ADAMTS2: variants seen among roughly 807,000 people sequenced by gnomAD.
The protein encoded by ADAMTS2 is ADAM metallopeptidase with thrombospondin type 1 motif 2, also known as A disintegrin and metalloproteinase with thrombospondin motifs 2.
Under a neutral mutation model 123.0 loss-of-function variants are expected in ADAMTS2, and 50 were observed. The observed-to-expected ratio is 0.41, with a 90% CI of 0.32 to 0.51. The LOEUF (loss-of-function observed/expected upper bound fraction) is 0.51, where lower values mean the gene tolerates loss of function less well. ADAMTS2 is among the 20% of genes least tolerant of loss of function. The pLI, the probability that ADAMTS2 is intolerant of heterozygous loss-of-function variation, is 0.35. For synonymous variants in ADAMTS2, 678 were observed against 695.4 expected (o/e 0.98, Z 0.39); for missense variants, 1,494 against 1,705.2 (o/e 0.88, Z 2.18).
chr5:179,341,949 C>A (rs959411717), intron 2 of ADAMTS2, among the ~76,000 whole-genome samples: 1 of 152,168 alleles, frequency 6.6e-6, no homozygotes, highest in Non-Finnish European at 1.5e-5. Context: ...TGCCAACCTG[C>A]GTCTTTTCCA....
intron 3 of ADAMTS2, among the ~76,000 whole-genome samples, chr5:179,268,250 C>T (rs1258943655): frequency 6.6e-6 from 1 of 152,246 alleles, no homozygotes; most frequent in Non-Finnish European, 1.5e-5. Context: ...CTGGACACCA[C>T]GTGTGGCTGC....
chr5:179,312,290 G>A lies in ADAMTS2; in HGVS notation c.534+31477C>T, dbSNP rs561091453. ...AATGTTTATATTCCCCCCAAATTCC[G>A]ATGTTGAAAGCTACTCCCCCAAGGT... On this transcript the variant is annotated intron_variant, in intron 2 of 21. Transcript: ENST00000251582. The surrounding 1 kb of genome is among the most constrained non-coding windows in gnomAD (Gnocchi z 4.2). Among the ~76,000 whole-genome samples the A allele has an allele frequency of 7.9e-5, 12 of 152,270 alleles. No individual in the cohort carries two copies. The highest frequency in any genetic ancestry group is 2.6e-4 in the African/African-American group (11 of 41,548).
rs918810147 is a variant in ADAMTS2, at chr5:179,215,725, G to A, written c.689-8010C>T. 5.3e-5 allele frequency among the ~76,000 whole-genome samples: 8 copies of A among 152,328 alleles called. No homozygotes were observed. In the East Asian group the frequency reaches 1.3e-3, roughly 26 times the overall value. On this transcript the variant is annotated intron_variant, in intron 3 of 21. Transcript: ENST00000251582. ...GTACATCAAGAAAGCTGAATCCCAG[G>A]CTGGCCATGAAGACAGCCACATTCT...
At chr5:179,230,620 T>C (rs1269407776) in intron 3 of ADAMTS2, among the ~76,000 whole-genome samples, 2 of 152,204 alleles carry the variant, frequency 1.3e-5, no homozygotes, top group Admixed American at 6.5e-5. Flanking sequence ...TGCACTGCGG[T>C]GTGTCTGCGT....
At chr5:179,139,866 C>T in intron 11 of ADAMTS2, 24 bp downstream of exon 11, 1 of 1,611,300 alleles carries the variant, frequency 6.2e-7, no homozygotes, top group Non-Finnish European at 8.5e-7. Flanking sequence ...TCAGCAAGGC[C>T]AGGGGGACAT....
intron 3 of ADAMTS2, among the ~76,000 whole-genome samples, chr5:179,253,214 G>A (rs1439528817): frequency 6.6e-6 from 1 of 152,164 alleles, no homozygotes; most frequent in African/African-American, 2.4e-5. Context: ...CTCTGTCTTT[G>A]AATTTGTGAG....
At position 179,249,064 on chromosome 5, in the gene ADAMTS2, T is replaced by C. The variant is rs1765864174; in HGVS notation, c.688+23847A>G. ...TTCTCCAACCACAGTGGAATAAAAC[T>C]AGAAATCAATGACAGAAGAAACCCT... On this transcript the variant is annotated intron_variant, in intron 3 of 21. Coordinates refer to ENST00000251582, the MANE Select transcript of ADAMTS2 (RefSeq NM_014244.5). 2.0e-5 allele frequency among the ~76,000 whole-genome samples: 3 copies of C among 152,162 alleles called. No individual in the cohort carries two copies. The South Asian group carries it at 6.2e-4, about 32-fold the overall frequency.
intron 20 of ADAMTS2, 118 bp from the exon 21 acceptor site, chr5:179,121,868 C>T: frequency 1.6e-6 from 1 of 638,790 alleles, no homozygotes; most frequent in Non-Finnish European, 2.6e-6. Context: ...GCCCTCGCCT[C>T]CCCGGGCGGA....
chr5:179,160,150 CTT>C (rs747042503), intron 5 of ADAMTS2, among the ~76,000 whole-genome samples: 7 of 152,214 alleles, frequency 4.6e-5, no homozygotes, highest in Non-Finnish European at 8.8e-5. Flanking sequence ...ACGTATTTCT[CTT>C]TGTGTCTATA....
At chr5:179,164,615 C>T (rs1432158673) in intron 5 of ADAMTS2, among the ~76,000 whole-genome samples, 1 of 152,088 alleles carries the variant, frequency 6.6e-6, no homozygotes, top group African/African-American at 2.4e-5. Context: ...ATGGTCACGG[C>T]AATGTCTTTC....
chr5:179,260,751 A>G lies in ADAMTS2; in HGVS notation c.688+12160T>C, dbSNP rs1008656269. Among the ~76,000 whole-genome samples, 5 of 152,344 alleles carry G rather than the reference A, an allele frequency of 3.3e-5. No homozygotes were observed. The highest frequency in any genetic ancestry group is 3.3e-4 in the Admixed American group (5 of 15,304). On this transcript the variant is annotated intron_variant, in intron 3 of 21. Coordinates refer to ENST00000251582, the MANE Select transcript of ADAMTS2 (RefSeq NM_014244.5). This position sits in a 1 kb window ranked among gnomAD's most constrained non-coding sequence, Gnocchi z 4.2. ...CCAACCCACCGTGGGGCTCATTACA[A>G]GAATCCTAGGAGATGATGTACCTGC...
At chr5:179,257,036 T>C (rs1766075134) in intron 3 of ADAMTS2, among the ~76,000 whole-genome samples, 1 of 152,118 alleles carries the variant, frequency 6.6e-6, no homozygotes, top group African/African-American at 2.4e-5. Flanking sequence ...CCACAGCCCA[T>C]GGGGAGCACC....
At position 179,113,705 on chromosome 5, in the gene ADAMTS2, A is replaced by G. The variant is rs1762610810; in HGVS notation, c.*162T>C. ...GCACACGTGCTAACCTAGTTACCAC[A>G]TGCTCATGCCTATCTTTCTTACGTC... On this transcript the variant is annotated 3_prime_UTR_variant, in exon 22 of 22. Transcript: ENST00000251582. 7 of 744,504 alleles carry G rather than the reference A, an allele frequency of 9.4e-6. No homozygotes were observed. Among genetic ancestry groups the G allele is most frequent in the Non-Finnish European group, 2.3e-6 (1 of 442,976 alleles). The allele number at this position is 744,504 out of a possible 1,614,324, so 46.1% of individuals were successfully genotyped here.
intron 2 of ADAMTS2, among the ~76,000 whole-genome samples, chr5:179,320,468 T>C (rs1301504413): frequency 1.1e-4 from 15 of 141,800 alleles, no homozygotes; most frequent in Admixed American, 1.0e-3. Context: ...CCACTACGCC[T>C]GGCTAATTTT....
At chr5:179,238,429 G>A (rs748435430) in intron 3 of ADAMTS2, among the ~76,000 whole-genome samples, 12 of 152,300 alleles carry the variant, frequency 7.9e-5, no homozygotes, top group Non-Finnish European at 1.2e-4. Context: ...TGAGTATGCC[G>A]GAGGGCAGTG....
intron 3 of ADAMTS2, among the ~76,000 whole-genome samples, chr5:179,266,130 C>G (rs1766364469): frequency 6.6e-6 from 1 of 152,174 alleles, no homozygotes; most frequent in Non-Finnish European, 1.5e-5. Context: ...TGGCCAGGTC[C>G]AGGGCTCACC....
chr5:179,266,788 G>C (rs998903513), intron 3 of ADAMTS2, among the ~76,000 whole-genome samples: 2 of 148,260 alleles, frequency 1.3e-5, no homozygotes, highest in African/African-American at 5.3e-5. Flanking sequence ...CCCCACCTGG[G>C]CCAAGCCTCA....
chr5:179,172,686 C>T (rs1483075461), intron 5 of ADAMTS2, among the ~76,000 whole-genome samples: 1 of 152,204 alleles, frequency 6.6e-6, no homozygotes, highest in African/African-American at 2.4e-5. Flanking sequence ...GCAGAGATGA[C>T]GTGCCAAGGG....
Position 179,132,017 on chromosome 5 carries a change from C to T in ADAMTS2, c.2290+213G>A, listed in dbSNP as rs901399616. On this transcript the variant is annotated intron_variant, in intron 15 of 21. Transcript: ENST00000251582. The surrounding 1 kb of genome is among the most constrained non-coding windows in gnomAD (Gnocchi z 6.1). ...TTCATAGCTGCTGCCAAGCGGAGCC[C>T]TCTGATCCCAAACCCTGGCCTCTCC... 5.3e-5 allele frequency among the ~76,000 whole-genome samples: 8 copies of T among 152,236 alleles called. No homozygotes were observed. Among genetic ancestry groups the T allele is most frequent in the African/African-American group, 1.7e-4 (7 of 41,472 alleles).
Sources: gnomAD v4.1 joint callset for allele counts (sites outside exome capture counted in the v4.1 genomes callset) on GRCh38, gnomAD v4.1.1 for gene constraint, Gnocchi (gnomAD v3.1) non-coding constraint, MANE v1.5 for transcripts, NCBI Gene and HGNC (gene_info 2026-07-23, HGNC 2026-07-21) for gene names.